The following MYO5B variants were observed in gnomAD, a reference collection of about 807,000 sequenced individuals.
MYO5B encodes the protein unconventional myosin-Vb.
A neutral mutation model predicts 229.3 loss-of-function variants in MYO5B; 143 were observed. The observed-to-expected ratio is 0.62, with a 90% CI of 0.54 to 0.72. The LOEUF (loss-of-function observed/expected upper bound fraction) is 0.72, where lower values mean the gene tolerates loss of function less well. MYO5B is among the 30% of genes least tolerant of loss of function. The pLI is 0.00. For synonymous variants in MYO5B, 918 were observed against 885.2 expected (o/e 1.04, Z -0.66); for missense variants, 2,321 against 2,331.0 (o/e 1.00, Z 0.09).
At chr18:50,077,502 AACACACACACACAC>A (rs60086500) in intron 1 of MYO5B, among the ~76,000 whole-genome samples, 5,825 of 133,600 alleles carry the variant, frequency 0.044, 364 homozygotes, top group African/African-American at 0.15. Flanking sequence ...CACACACACA[AACACACACACACAC>A]ACACACACAC....
rs1453840629 is a variant in MYO5B, at chr18:50,015,274, G to T, written c.456-13863C>A. Among the ~76,000 whole-genome samples the T allele has an allele frequency of 2.0e-5, 3 of 152,136 alleles. No individual in the cohort carries two copies. The South Asian group carries it at 6.2e-4, about 32-fold the overall frequency. On this transcript the variant is annotated intron_variant, in intron 4 of 39. Coordinates refer to ENST00000285039, the MANE Select transcript of MYO5B (RefSeq NM_001080467.3). ...CTCTGACCTAGTGAACTTCATTTTT[G>T]ATCAAAAATTAAACTATGGCTTTCC...
intron 4 of MYO5B, among the ~76,000 whole-genome samples, chr18:50,020,660 T>C (rs2026264083): frequency 6.6e-6 from 1 of 152,222 alleles, no homozygotes; most frequent in Non-Finnish European, 1.5e-5. Flanking sequence ...ATGTGGCTCA[T>C]GCCAAGGTGG....
chr18:50,070,208 G>A (rs1224694943), intron 1 of MYO5B, among the ~76,000 whole-genome samples: 1 of 151,792 alleles, frequency 6.6e-6, no homozygotes, highest in Non-Finnish European at 1.5e-5. Flanking sequence ...ATTTTTAGTA[G>A]AGACAAGGTT....
chr18:49,988,779 A>C (rs2025898452), intron 7 of MYO5B, among the ~76,000 whole-genome samples: 2 of 152,196 alleles, frequency 1.3e-5, no homozygotes, highest in Admixed American at 6.5e-5. Context: ...TGAGAGTGAC[A>C]GGCACCCTCA....
intron 16 of MYO5B, among the ~76,000 whole-genome samples, chr18:49,931,457 C>T (rs539391056): frequency 3.3e-5 from 5 of 152,310 alleles, no homozygotes; most frequent in African/African-American, 9.6e-5. Context: ...ATGTGAGGCA[C>T]AACGGAACAC....
chr18:50,001,522 T>A, intron 4 of MYO5B, 111 bp from the exon 5 acceptor site: 1 of 1,292,614 alleles, frequency 7.7e-7, no homozygotes, highest in Non-Finnish European at 1.1e-6. Flanking sequence ...TCTCCTACTT[T>A]AATGGATAAA....
At chr18:49,938,556 T>C (rs1287267091) in intron 14 of MYO5B, among the ~76,000 whole-genome samples, 1 of 152,134 alleles carries the variant, frequency 6.6e-6, no homozygotes, top group Non-Finnish European at 1.5e-5. Flanking sequence ...TGCTAGGCTC[T>C]GCTCCTTCTC....
intron 16 of MYO5B, 65 bp from the exon 17 acceptor site, chr18:49,929,663 G>C (rs2969928): frequency 7.2e-7 from 1 of 1,393,784 alleles, no homozygotes; most frequent in African/African-American, 1.4e-5. Context: ...TTGCAAAAAA[G>C]AAACAAAAAA....
chr18:50,086,487 C>T (rs963951667), intron 1 of MYO5B, among the ~76,000 whole-genome samples: 20 of 152,190 alleles, frequency 1.3e-4, no homozygotes, highest in African/African-American at 4.8e-4. Context: ...GTGGTGTGTG[C>T]ACGTGTGTGT....
intron 1 of MYO5B, among the ~76,000 whole-genome samples, chr18:50,066,057 A>AT (rs35888185): frequency 2.0e-5 from 3 of 152,152 alleles, no homozygotes; most frequent in Non-Finnish European, 4.4e-5. Context: ...CACATTACAG[A>AT]TTTTTTTGAA....
chr18:49,852,401 C>G (rs1192724110), intron 31 of MYO5B, among the ~76,000 whole-genome samples: 1 of 152,112 alleles, frequency 6.6e-6, no homozygotes, highest in Non-Finnish European at 1.5e-5. Context: ...GTATATGCAA[C>G]AGAAAGTGAC....
At chr18:49,884,802 A>G (rs951888141) in intron 22 of MYO5B, among the ~76,000 whole-genome samples, 1 of 152,240 alleles carries the variant, frequency 6.6e-6, no homozygotes, top group African/African-American at 2.4e-5. Flanking sequence ...CAATAAAAAG[A>G]CAACCCAATT....
intron 22 of MYO5B, among the ~76,000 whole-genome samples, chr18:49,894,584 C>T (rs1341419213): frequency 6.7e-6 from 1 of 150,358 alleles, no homozygotes; most frequent in Non-Finnish European, 1.5e-5. Flanking sequence ...CCCCTGCAGG[C>T]AGCATCAAGA....
chr18:49,923,957 C>T (rs2025102755), intron 17 of MYO5B, among the ~76,000 whole-genome samples: 1 of 152,120 alleles, frequency 6.6e-6, no homozygotes, highest in African/African-American at 2.4e-5. Context: ...CTGCTCACCT[C>T]CAGACCTCTG....
At chr18:49,968,673 A>G (rs943832468) in intron 10 of MYO5B, among the ~76,000 whole-genome samples, 11 of 152,112 alleles carry the variant, frequency 7.2e-5, no homozygotes, top group African/African-American at 2.7e-4. Context: ...GGTCCTGTTA[A>G]GAATTCATTC....
At chr18:49,905,227 A>C (rs542381116) in intron 19 of MYO5B, among the ~76,000 whole-genome samples, 8 of 152,280 alleles carry the variant, frequency 5.3e-5, no homozygotes, top group African/African-American at 1.9e-4. Context: ...TGGAGATCCC[A>C]GGGGCTGTGT....
Position 49,989,481 on chromosome 18 carries a change from G to C in MYO5B, c.838+958C>G, listed in dbSNP as rs115363869. On this transcript the variant is annotated intron_variant, in intron 7 of 39. Coordinates refer to ENST00000285039, the MANE Select transcript of MYO5B (RefSeq NM_001080467.3). ...AAACACGGACAGCAGGACAGGGACA[G>C]GAAGCATGGCAGGAAGTGTGGCAGA... Among the ~76,000 whole-genome samples, 1,445 of 152,262 alleles carry C rather than the reference G, an allele frequency of 9.5e-3. 24 individuals carry two copies. The highest frequency in any genetic ancestry group is 0.034 in the African/African-American group (1,397 of 41,524).
At chr18:50,100,688 CCT>C (rs1156673429) in intron 1 of MYO5B, among the ~76,000 whole-genome samples, 3 of 152,208 alleles carry the variant, frequency 2.0e-5, no homozygotes, top group Non-Finnish European at 2.9e-5. Context: ...ATGCATCTCC[CCT>C]CTCTTTTCCA....
At chr18:49,929,309 G>A (rs2025163158) in intron 17 of MYO5B, among the ~76,000 whole-genome samples, 1 of 152,212 alleles carries the variant, frequency 6.6e-6, no homozygotes, top group Non-Finnish European at 1.5e-5. Flanking sequence ...AAGCAGCCAA[G>A]AGGATGTGAC....
Sources: gnomAD v4.1 joint callset for allele counts (sites outside exome capture counted in the v4.1 genomes callset) on GRCh38, gnomAD v4.1.1 for gene constraint, MANE v1.5 for transcripts, NCBI Gene and HGNC (gene_info 2026-07-23, HGNC 2026-07-21) for gene names.